ANK3: variants seen among roughly 807,000 people sequenced by gnomAD.
ANK3 encodes ankyrin-3.
In ANK3, 57 loss-of-function variants were observed where a neutral mutation model predicts 370.9. The observed-to-expected ratio is 0.15, with a 90% confidence interval of 0.12 to 0.19. ANK3 has a LOEUF of 0.19. Ranked by LOEUF, ANK3 falls within the 10% of genes least tolerant of loss-of-function variation. The pLI is 1.00. For missense variants in ANK3, 4,439 were observed against 5,302.1 expected, an observed-to-expected ratio of 0.84 and a Z score of 5.06; for synonymous variants, 1,929 against 1,946.3, an observed-to-expected ratio of 0.99 and a Z score of 0.23.
Position 60,074,842 on chromosome 10 carries a change from T to C in ANK3, c.6039A>G (p.Pro2013=), listed in dbSNP as rs1372785092. 4.3e-6 allele frequency: 7 copies of C among 1,613,700 alleles called. No homozygotes were observed. The African/African-American group carries it at 8.0e-5, about 18-fold the overall frequency. ...CTTTTGCTTTTACTTGCACTCTCTC[T>C]GGCAGAGATGGAGACTGGCTCGCAG... ...QAAASQSPSL[P]ERVQVKAKAA... is the part of the protein sequence containing the mutation. Residue 2013 remains proline (P), a synonymous_variant, in exon 37 of 44, where the codon CCA becomes CCG. Transcript: ENST00000280772.
At position 60,242,583 on chromosome 10, in the gene ANK3, GC is replaced by G. The variant is rs1592321297; in HGVS notation, c.799-7798del. ...ATTTCATCAGGAATGAGAAGACAAG[GC>G]CCCACTCTCACTCTTCTACACCCAC... On this transcript the variant is annotated intron_variant, in intron 7 of 43. Transcript: ENST00000280772. 5.9e-5 allele frequency among the ~76,000 whole-genome samples: 9 copies of G among 152,152 alleles called. No individual in the cohort carries two copies. The East Asian group carries it at 1.7e-3, about 29-fold the overall frequency.
intron 1 of ANK3, among the ~76,000 whole-genome samples, chr10:60,665,321 C>T (rs549163359): frequency 7.2e-5 from 11 of 152,260 alleles, no homozygotes; most frequent in East Asian, 5.8e-4. Flanking sequence ...AACATCAAAA[C>T]GCAGTTATAT....
chr10:60,178,919 G>C (rs1011085389), intron 18 of ANK3, among the ~76,000 whole-genome samples: 3 of 152,084 alleles, frequency 2.0e-5, no homozygotes, highest in Admixed American at 6.6e-5. Flanking sequence ...AATGCAAAAG[G>C]GGGGTGGGGT....
At chr10:60,266,528 T>C (rs969721910) in intron 5 of ANK3, among the ~76,000 whole-genome samples, 1 of 152,230 alleles carries the variant, frequency 6.6e-6, no homozygotes, top group African/African-American at 2.4e-5. Context: ...AGTCCACTTC[T>C]GCTCTGAAAC....
intron 2 of ANK3, among the ~76,000 whole-genome samples, chr10:60,490,733 A>C (rs538435508): frequency 7.2e-5 from 11 of 152,244 alleles, no homozygotes; most frequent in Admixed American, 7.2e-4. Flanking sequence ...CTTGGAAAAA[A>C]ATTCCTGGGC....
At chr10:60,423,019 A>G (rs1002978891) in intron 2 of ANK3, among the ~76,000 whole-genome samples, 1 of 152,036 alleles carries the variant, frequency 6.6e-6, no homozygotes, top group African/African-American at 2.4e-5. Flanking sequence ...TGAAGGGCAA[A>G]GTGCTGTTAC....
chr10:60,498,015 A>C (rs2075704022), intron 2 of ANK3, among the ~76,000 whole-genome samples: 1 of 152,000 alleles, frequency 6.6e-6, no homozygotes, highest in Non-Finnish European at 1.5e-5. Flanking sequence ...TCACCGTCGG[A>C]CTCCTGACAA....
chr10:60,598,144 C>G (rs1237947141), intron 2 of ANK3, among the ~76,000 whole-genome samples: 1 of 152,092 alleles, frequency 6.6e-6, no homozygotes, highest in East Asian at 1.9e-4. Context: ...ACTGGGGATC[C>G]AGGAACATCT....
intron 1 of ANK3, among the ~76,000 whole-genome samples, chr10:60,646,455 A>G (rs1461014503): frequency 2.0e-5 from 3 of 152,220 alleles, no homozygotes; most frequent in African/African-American, 7.2e-5. Context: ...TCATGCCTAC[A>G]GTCCCAGCTA....
chr10:60,316,982 A>G lies in ANK3; in HGVS notation c.115-37343T>C, dbSNP rs188884471. 2.2e-4 allele frequency among the ~76,000 whole-genome samples: 33 copies of G among 152,152 alleles called. No individual in the cohort carries two copies. In the East Asian group the frequency reaches 5.0e-3, roughly 23 times the overall value. ...AGGATGGTCTCGATCTCCTGACCTCATGATCCGCCCACCTCAGCCTCCCAA... is the reference window on the plus strand; with the variant it reads ...AGGATGGTCTCGATCTCCTGACCTCGTGATCCGCCCACCTCAGCCTCCCAA... On this transcript the variant is annotated intron_variant, in intron 1 of 43. Transcript: ENST00000280772.
At chr10:60,501,164 C>T (rs913628582) in intron 2 of ANK3, among the ~76,000 whole-genome samples, 20 of 152,072 alleles carry the variant, frequency 1.3e-4, no homozygotes, top group Non-Finnish European at 2.4e-4. Flanking sequence ...GAGCTTTTGA[C>T]TTTAAGACAA....
chr10:60,529,600 C>A (rs977674370), intron 2 of ANK3, among the ~76,000 whole-genome samples: 4 of 152,090 alleles, frequency 2.6e-5, no homozygotes, highest in Non-Finnish European at 2.9e-5. Context: ...AGTTCAAACA[C>A]ATGTTTATTT....
At chr10:60,573,226 CT>C (rs372389609) in intron 2 of ANK3, among the ~76,000 whole-genome samples, 2,906 of 148,074 alleles carry the variant, frequency 0.02, 51 homozygotes, top group Non-Finnish European at 0.027. Flanking sequence ...CATGATTACT[CT>C]TTTTTTTTTA....
At chr10:60,600,499 GT>G (rs1158524538) in intron 2 of ANK3, among the ~76,000 whole-genome samples, 2 of 151,942 alleles carry the variant, frequency 1.3e-5, no homozygotes, top group African/African-American at 4.8e-5. Flanking sequence ...CTGCTTTCTG[GT>G]TTTTTTCTTC....
At chr10:60,401,313 T>C (rs750795241) in intron 2 of ANK3, among the ~76,000 whole-genome samples, 62 of 152,344 alleles carry the variant, frequency 4.1e-4, no homozygotes, top group Non-Finnish European at 5.4e-4. Flanking sequence ...TGTATATCTT[T>C]GCACTGATAG....
chr10:60,678,722 A>T (rs2079157747), intron 1 of ANK3, among the ~76,000 whole-genome samples: 1 of 152,214 alleles, frequency 6.6e-6, no homozygotes, highest in Non-Finnish European at 1.5e-5. Flanking sequence ...TATTAAGACA[A>T]AAATAAGCAG....
chr10:60,437,249 C>G (rs1021331914), intron 2 of ANK3, among the ~76,000 whole-genome samples: 3 of 152,166 alleles, frequency 2.0e-5, no homozygotes, highest in Admixed American at 1.3e-4. Context: ...GGCCAGACAA[C>G]AGATGGGGTG....
Position 60,181,326 on chromosome 10 carries a change from T to C in ANK3, c.2184+3A>G. On this transcript the variant is annotated splice_donor_region_variant and intron_variant, in intron 18 of 43. Transcript: ENST00000280772. ...TTCCGTGTGGCAAGGGAGGGCCGTA[T>C]ACCTTTGTCTGGGCGTCCACATGAG... 6.2e-7 allele frequency: 1 copy of C among 1,613,926 alleles called. No homozygotes were observed. The highest frequency in any genetic ancestry group is 8.5e-7 in the Non-Finnish European group (1 of 1,179,776).
intron 2 of ANK3, among the ~76,000 whole-genome samples, chr10:60,440,908 A>C (rs987787854): frequency 2.0e-5 from 3 of 152,198 alleles, no homozygotes; most frequent in African/African-American, 7.2e-5. Context: ...TAAATGGAAA[A>C]CTAAAAAAGG....
Sources: allele counts gnomAD v4.1 joint callset (sites outside exome capture counted in the v4.1 genomes callset), GRCh38; gene constraint gnomAD v4.1.1; transcripts MANE v1.5; gene names NCBI Gene and HGNC (gene_info 2026-07-23, HGNC 2026-07-21).